Variants in VAC14 observed in about 807,000 individuals in gnomAD.
VAC14 encodes the protein protein VAC14 homolog.
VAC14 carries 47 observed loss-of-function variants against 85.3 expected under a neutral mutation model. That is an observed-to-expected ratio of 0.55 (90% CI 0.44 to 0.70). The LOEUF (loss-of-function observed/expected upper bound fraction) is 0.70. Among genes scored for constraint, VAC14 ranks in the 30% least tolerant of loss-of-function variants. The pLI is 0.00. For synonymous variants in VAC14, 447 were observed against 430.5 expected (o/e 1.04, Z -0.47); for missense variants, 861 against 1,004.3 (o/e 0.86, Z 1.93).
chr16:70,734,462 AC>A (rs2054688527), intron 13 of VAC14, among the ~76,000 whole-genome samples: 1 of 152,182 alleles, frequency 6.6e-6, no homozygotes. Flanking sequence ...TTTTTGAAGC[AC>A]AAAATTTTTA....
At chr16:70,791,818 C>A (rs2034352973) in intron 1 of VAC14, among the ~76,000 whole-genome samples, 1 of 152,198 alleles carries the variant, frequency 6.6e-6, no homozygotes, top group Non-Finnish European at 1.5e-5. Context: ...GCAGGGGTGA[C>A]AGGCAGCTTG....
intron 14 of VAC14, among the ~76,000 whole-genome samples, chr16:70,709,901 C>T (rs1435180246): frequency 6.6e-6 from 1 of 152,162 alleles, no homozygotes; most frequent in Non-Finnish European, 1.5e-5. Flanking sequence ...CCCTACCTGC[C>T]CTGGGGCCTC....
At chr16:70,738,273 C>T (rs1471574284) in intron 13 of VAC14, among the ~76,000 whole-genome samples, 7 of 152,140 alleles carry the variant, frequency 4.6e-5, no homozygotes, top group Admixed American at 4.6e-4. Context: ...GCTACGTAGA[C>T]AAAGGCCGCC....
intron 14 of VAC14, among the ~76,000 whole-genome samples, chr16:70,702,762 T>C (rs1303551955): frequency 1.3e-5 from 2 of 152,230 alleles, no homozygotes; most frequent in Non-Finnish European, 1.5e-5. Context: ...GTCAGGAAGC[T>C]GGGGAGGGAG....
rs571727709 is a variant in VAC14, at chr16:70,776,562, T to G, written c.1096+4228A>C. 2.9e-4 allele frequency among the ~76,000 whole-genome samples: 44 copies of G among 152,312 alleles called. 1 individual carries two copies. Among genetic ancestry groups the G allele is most frequent in the African/African-American group, 1.0e-3 (43 of 41,568 alleles). Reference sequence around the variant, plus strand: ...CAAATATCTTCTCCCAGTCTGGGCCTTGCCTTGTAACTTTTAACCTTTTTT... The same window carrying G: ...CAAATATCTTCTCCCAGTCTGGGCCGTGCCTTGTAACTTTTAACCTTTTTT... On this transcript the variant is annotated intron_variant, in intron 9 of 18. Transcript: ENST00000261776.
At chr16:70,776,623 T>A (rs1433219137) in intron 9 of VAC14, among the ~76,000 whole-genome samples, 4 of 152,164 alleles carry the variant, frequency 2.6e-5, no homozygotes, top group African/African-American at 9.7e-5. Context: ...TGAGATGGGG[T>A]CTCGCTATAT....
At chr16:70,731,125 G>A (rs552522535) in intron 14 of VAC14, 24 of 287,310 alleles carry the variant, frequency 8.4e-5, no homozygotes, top group African/African-American at 4.5e-4. Context: ...GCTAAATCCC[G>A]CACTGGGGGC....
intron 9 of VAC14, among the ~76,000 whole-genome samples, chr16:70,775,531 C>T (rs2033474284): frequency 6.6e-6 from 1 of 152,228 alleles, no homozygotes; most frequent in African/African-American, 2.4e-5. Flanking sequence ...GTCTGTACTG[C>T]TGCCTGCCCC....
At chr16:70,703,011 G>C (rs1386295380) in intron 14 of VAC14, among the ~76,000 whole-genome samples, 1 of 152,216 alleles carries the variant, frequency 6.6e-6, no homozygotes, top group African/African-American at 2.4e-5. Context: ...TTCAGACCTA[G>C]AAGAATCGAC....
At chr16:70,741,289 C>T (rs1041342876) in intron 13 of VAC14, among the ~76,000 whole-genome samples, 1 of 152,262 alleles carries the variant, frequency 6.6e-6, no homozygotes, top group Non-Finnish European at 1.5e-5. Flanking sequence ...GAAGGAGCAG[C>T]TTGCGGAGGG....
intron 13 of VAC14, among the ~76,000 whole-genome samples, chr16:70,733,572 T>G (rs371401760): frequency 9.2e-5 from 14 of 152,118 alleles, no homozygotes; most frequent in African/African-American, 3.1e-4. Flanking sequence ...CACCATCCCC[T>G]TAGTGTTACT....
intron 1 of VAC14, among the ~76,000 whole-genome samples, chr16:70,800,152 C>A (rs115606952): frequency 0.015 from 2,295 of 152,210 alleles, 71 homozygotes; most frequent in African/African-American, 0.054. Context: ...TAAAACATCC[C>A]CAGTTAAACT....
chr16:70,793,168 C>T (rs930208492), intron 1 of VAC14, among the ~76,000 whole-genome samples: 3 of 152,206 alleles, frequency 2.0e-5, no homozygotes, highest in Admixed American at 1.3e-4. Flanking sequence ...GCTCGGTCAT[C>T]GCCAAGGCAC....
At chr16:70,766,299 T>A in intron 10 of VAC14, 1 of 347,590 alleles carries the variant, frequency 2.9e-6, no homozygotes, top group Non-Finnish European at 5.7e-6. Context: ...TGGCTCACAG[T>A]GGCCCTAAGA....
At chr16:70,744,330 T>C (rs1441383453) in intron 13 of VAC14, 93 bp downstream of exon 13, 18 of 1,527,994 alleles carry the variant, frequency 1.2e-5, no homozygotes, top group Non-Finnish European at 1.4e-5. Context: ...CCAGAGCTCC[T>C]GAGCAACAAC....
intron 14 of VAC14, among the ~76,000 whole-genome samples, chr16:70,710,111 A>G (rs545798165): frequency 2.1e-4 from 32 of 152,322 alleles, no homozygotes; most frequent in South Asian, 6.2e-4. Context: ...TGCCACCCGC[A>G]TGGGACAGGA....
intron 18 of VAC14, chr16:70,691,741 C>G (rs1366033247): frequency 1.0e-6 from 1 of 985,320 alleles, no homozygotes; most frequent in Non-Finnish European, 1.2e-6. Flanking sequence ...TCCAGCTGGC[C>G]TGGGGCAGAG....
chr16:70,727,344 T>A (rs371458689), intron 14 of VAC14, among the ~76,000 whole-genome samples: 1 of 152,192 alleles, frequency 6.6e-6, no homozygotes, highest in Middle Eastern at 3.2e-3. Context: ...TTATTTATTT[T>A]TATTTATTTT....
chr16:70,687,709 T>A lies in VAC14; in HGVS notation c.*219A>T. 1 of 433,192 alleles carries A rather than the reference T, an allele frequency of 2.3e-6. No individual in the cohort carries two copies. Among genetic ancestry groups the A allele is most frequent in the Non-Finnish European group, 3.9e-6 (1 of 258,846 alleles). The allele number at this position is 433,192 out of a possible 1,614,324, so 26.8% of individuals were successfully genotyped here. On this transcript the variant is annotated 3_prime_UTR_variant, in exon 19 of 19. Transcript: ENST00000261776. Reference sequence around the variant, plus strand: ...CCCCCACTGGGTGGGCAGCCAGCTCTGTGAGAATGCCAGGGTGCAGCTGAC... The same window carrying A: ...CCCCCACTGGGTGGGCAGCCAGCTCAGTGAGAATGCCAGGGTGCAGCTGAC...
Sources: allele counts gnomAD v4.1 joint callset (sites outside exome capture counted in the v4.1 genomes callset), GRCh38; gene constraint gnomAD v4.1.1; transcripts MANE v1.5; gene names NCBI Gene and HGNC (gene_info 2026-07-23, HGNC 2026-07-21).